The following PDK1 variants were observed in gnomAD, a reference collection of about 807,000 sequenced individuals.
PDK1 encodes [Pyruvate dehydrogenase (acetyl-transferring)] kinase isozyme 1, mitochondrial.
Under a neutral mutation model 54.2 loss-of-function variants are expected in PDK1, and 39 were observed. The ratio of observed to expected loss-of-function variants is 0.72; its 90% CI spans 0.56 to 0.94. The LOEUF is 0.94. Among genes scored for constraint, PDK1 ranks in the 40% least tolerant of loss-of-function variants. PDK1 has a pLI of 0.00. For missense variants in PDK1, 552 were observed against 566.0 expected, an observed-to-expected ratio of 0.98 and a Z score of 0.25; for synonymous variants, 221 against 207.1, an observed-to-expected ratio of 1.07 and a Z score of -0.58.
At chr2:172,695,437 T>G in the PDK1 span, among the ~76,000 whole-genome samples, 8 of 152,154 alleles carry the variant, frequency 5.3e-5, no homozygotes, top group Non-Finnish European at 1.2e-4. Context: ...CAATTCCCAC[T>G]TAGCAGAAGG....
the PDK1 span, among the ~76,000 whole-genome samples, chr2:172,669,087 T>C: frequency 7.7e-6 from 1 of 129,158 alleles, no homozygotes; most frequent in Non-Finnish European, 1.6e-5. Context: ...TGAGACGGAG[T>C]CTCGCTCTGT....
At chr2:172,622,407 A>T in the PDK1 span, among the ~76,000 whole-genome samples, 3 of 133,760 alleles carry the variant, frequency 2.2e-5, no homozygotes, top group Admixed American at 7.6e-5. Flanking sequence ...ATATTATGTG[A>T]GATATGTTTA....
Position 172,564,705 on chromosome 2 carries a change from G to A in PDK1, c.595+18G>A, listed in dbSNP as rs1221351937. ...TCAGCACTGTAAGTGTCCCTCATGA[G>A]TCAAGAGAAGAAGCTAAATGAGATG... On this transcript the variant is annotated intron_variant, in intron 4 of 10. Transcript: ENST00000282077. 6.3e-7 allele frequency: 1 copy of A among 1,589,146 alleles called. No individual in the cohort carries two copies. The highest frequency in any genetic ancestry group is 8.6e-7 in the Non-Finnish European group (1 of 1,159,310).
At chr2:172,647,430 G>C in the PDK1 span, among the ~76,000 whole-genome samples, 1 of 152,100 alleles carries the variant, frequency 6.6e-6, no homozygotes, top group Non-Finnish European at 1.5e-5. Context: ...GTAAGAAACT[G>C]CTCAAAAAAT....
At chr2:172,590,698 G>A (rs1038812216) in intron 9 of PDK1, among the ~76,000 whole-genome samples, 2 of 152,094 alleles carry the variant, frequency 1.3e-5, no homozygotes, top group African/African-American at 4.8e-5. Flanking sequence ...AAGGGGACCC[G>A]AGCGGGTTGC....
chr2:172,716,970 A>G, the PDK1 span, among the ~76,000 whole-genome samples: 1 of 152,208 alleles, frequency 6.6e-6, no homozygotes, highest in Non-Finnish European at 1.5e-5. Context: ...CTGAGTGTGG[A>G]TTGGAGTACT....
At chr2:172,650,903 T>C in the PDK1 span, among the ~76,000 whole-genome samples, 1 of 152,176 alleles carries the variant, frequency 6.6e-6, no homozygotes, top group Non-Finnish European at 1.5e-5. Flanking sequence ...CACCCCACTG[T>C]CAACATTAGA....
chr2:172,689,766 A>G, the PDK1 span, among the ~76,000 whole-genome samples: 1 of 151,078 alleles, frequency 6.6e-6, no homozygotes, highest in Non-Finnish European at 1.5e-5. Flanking sequence ...TCTCTACTTC[A>G]TAAATGGTGC....
At chr2:172,692,529 G>A in the PDK1 span, among the ~76,000 whole-genome samples, 1 of 152,192 alleles carries the variant, frequency 6.6e-6, no homozygotes, top group Non-Finnish European at 1.5e-5. Flanking sequence ...AAACACTGAA[G>A]CACCAGGCTT....
the PDK1 span, among the ~76,000 whole-genome samples, chr2:172,619,748 G>A: frequency 6.6e-6 from 1 of 152,134 alleles, no homozygotes; most frequent in Non-Finnish European, 1.5e-5. Context: ...TCATGAAAAA[G>A]GGAAAAGGAT....
chr2:172,657,902 C>T, the PDK1 span, among the ~76,000 whole-genome samples: 7 of 152,126 alleles, frequency 4.6e-5, no homozygotes, highest in Non-Finnish European at 7.4e-5. Flanking sequence ...AACATGATGC[C>T]GGCATCTTCT....
At chr2:172,686,915 C>T in the PDK1 span, among the ~76,000 whole-genome samples, 1 of 152,220 alleles carries the variant, frequency 6.6e-6, no homozygotes, top group Admixed American at 6.5e-5. Context: ...TGAACTTAAT[C>T]ACATACCATC....
In PDK1 at chr2:172,595,980, G is replaced by T. The variant is rs779780730; in HGVS notation, c.*11G>T. ...TTCCGCAGTGCCTAGACACACTTGG[G>T]ACATCGGAAAATCCAAATGTGGCTT... On this transcript the variant is annotated 3_prime_UTR_variant, in exon 11 of 11. Coordinates refer to ENST00000282077, the MANE Select transcript of PDK1 (RefSeq NM_002610.5). 12 of 1,599,580 alleles carry T rather than the reference G, an allele frequency of 7.5e-6. No individual in the cohort carries two copies. Among genetic ancestry groups the T allele is most frequent in the African/African-American group, 2.7e-5 (2 of 74,586 alleles).
At chr2:172,569,856 G>A (rs896469712) in intron 7 of PDK1, among the ~76,000 whole-genome samples, 3 of 152,132 alleles carry the variant, frequency 2.0e-5, no homozygotes, top group African/African-American at 7.2e-5. Flanking sequence ...TTTTATCCAA[G>A]TAGTTAAACA....
chr2:172,620,997 C>T, the PDK1 span, among the ~76,000 whole-genome samples: 5 of 152,134 alleles, frequency 3.3e-5, no homozygotes, highest in African/African-American at 7.2e-5. Context: ...TAGAACATGT[C>T]GGCTGGGCAC....
At chr2:172,631,191 TA>T in the PDK1 span, among the ~76,000 whole-genome samples, 1 of 152,234 alleles carries the variant, frequency 6.6e-6, no homozygotes, top group African/African-American at 2.4e-5. Context: ...AATAACAAAT[TA>T]CCACATAAAC....
chr2:172,595,562 CA>C (rs1197740318), intron 10 of PDK1, among the ~76,000 whole-genome samples: 4 of 152,162 alleles, frequency 2.6e-5, no homozygotes, highest in African/African-American at 9.7e-5. Context: ...TGTAAAATTT[CA>C]GTCCAGCAGC....
chr2:172,583,290 T>TTTG (rs1690018730), intron 8 of PDK1, among the ~76,000 whole-genome samples: 1 of 128,912 alleles, frequency 7.8e-6, no homozygotes, highest in African/African-American at 3.2e-5. Flanking sequence ...GGTTTTTTTT[T>TTTG]TTTTTTTTTT....
chr2:172,564,249 G>A (rs1188982275), intron 3 of PDK1: 2 of 525,678 alleles, frequency 3.8e-6, no homozygotes, highest in African/African-American at 1.9e-5. Context: ...ATTACGTTTT[G>A]TGGCAGCCTT....
Sources: gnomAD v4.1 joint callset for allele counts (sites outside exome capture counted in the v4.1 genomes callset) on GRCh38, gnomAD v4.1.1 for gene constraint, MANE v1.5 for transcripts, NCBI Gene and HGNC (gene_info 2026-07-23, HGNC 2026-07-21) for gene names.